ST18: variants seen among roughly 807,000 people sequenced by gnomAD.
ST18 encodes suppression of tumorigenicity 18 protein.
Under a neutral mutation model 110.0 loss-of-function variants are expected in ST18, and 50 were observed. That is an observed-to-expected ratio of 0.45 (90% CI 0.36 to 0.58). The LOEUF is 0.58. Ranked by LOEUF, ST18 falls within the 20% of genes least tolerant of loss-of-function variation. The pLI is 0.00. For synonymous variants in ST18, 461 were observed against 452.4 expected (o/e 1.02, Z -0.24); for missense variants, 1,306 against 1,280.1 (o/e 1.02, Z -0.31).
At chr8:52,179,666 A>T (rs891564114) in intron 9 of ST18, among the ~76,000 whole-genome samples, 2 of 152,288 alleles carry the variant, frequency 1.3e-5, no homozygotes, top group African/African-American at 4.8e-5. Flanking sequence ...AAATTAAAAA[A>T]AATTTTTAAC....
intron 2 of ST18, among the ~76,000 whole-genome samples, chr8:52,399,325 CT>C (rs1265324790): frequency 6.6e-6 from 1 of 151,022 alleles, no homozygotes; most frequent in Non-Finnish European, 1.5e-5. Context: ...AGTCTTGTCT[CT>C]TTTATTTCTT....
chr8:52,405,882 G>A (rs1844306227), intron 2 of ST18: 1 of 152,174 alleles, frequency 6.6e-6, no homozygotes, highest in Non-Finnish European at 1.5e-5. Context: ...TGGTCATCAT[G>A]CTTTTATGAC....
intron 8 of ST18, among the ~76,000 whole-genome samples, chr8:52,193,906 C>G (rs1318120228): frequency 2.6e-5 from 4 of 152,154 alleles, no homozygotes; most frequent in South Asian, 2.1e-4. Flanking sequence ...ATAATTGAAG[C>G]CTTCTCCTAT....
At chr8:52,171,546 T>A (rs2064958032) in intron 10 of ST18, 1 of 595,114 alleles carries the variant, frequency 1.7e-6, no homozygotes, top group Admixed American at 2.2e-5. Flanking sequence ...ACAGTTAAAT[T>A]AAGAGAAATA....
intron 10 of ST18, among the ~76,000 whole-genome samples, chr8:52,168,876 G>A (rs2063859428): frequency 6.6e-6 from 1 of 152,178 alleles, no homozygotes; most frequent in African/African-American, 2.4e-5. Context: ...TAGGGGAACT[G>A]AGGGGAGCTG....
chr8:52,268,494 TC>T (rs2094952125), intron 2 of ST18, among the ~76,000 whole-genome samples: 7 of 151,002 alleles, frequency 4.6e-5, no homozygotes, highest in Non-Finnish European at 1.0e-4. Context: ...TATCTATCTA[TC>T]TATCTATCTA....
At position 52,159,043 on chromosome 8, in the gene ST18, C is replaced by G. The variant is rs1010173302; in HGVS notation, c.1661G>C (p.Ser554Thr). The G allele has an allele frequency of 1.2e-6, 2 of 1,614,030 alleles. No individual in the cohort carries two copies. The highest frequency in any genetic ancestry group is 2.7e-5 in the African/African-American group (2 of 74,920). ...GCTATAAGAGCTGGCACGGCCAGGG[C>G]TCTGGGTGTGGGCGCCTGCACTAGG... ...RLPSAGAHTQSPGRASSYSYG... is the reference protein window; with the variant it reads ...RLPSAGAHTQTPGRASSYSYG... Residue 554 changes from serine to threonine, a missense_variant, in exon 15 of 26, where the codon AGC becomes ACC. Physicochemically the swap from Ser to Thr is moderately conservative, Grantham distance 58. Transcript: ENST00000689386.
intron 2 of ST18, among the ~76,000 whole-genome samples, chr8:52,256,365 TTTTG>T (rs1331861917): frequency 7.2e-5 from 11 of 152,098 alleles, no homozygotes; most frequent in African/African-American, 1.7e-4. Flanking sequence ...CAATCTGGTT[TTTTG>T]TTTGTTTGTT....
intron 22 of ST18, among the ~76,000 whole-genome samples, chr8:52,130,114 GAAAGA>G (rs751105501): frequency 2.1e-4 from 23 of 109,760 alleles, no homozygotes; most frequent in East Asian, 5.7e-4. Context: ...AAGAAAGAAA[GAAAGA>G]AAAGAAAGAA....
intron 2 of ST18, among the ~76,000 whole-genome samples, chr8:52,302,230 G>A (rs543209575): frequency 1.1e-4 from 17 of 152,312 alleles, no homozygotes; most frequent in Admixed American, 6.5e-4. Flanking sequence ...TCAAAGCCAC[G>A]TCTCCCAGTA....
intron 15 of ST18, among the ~76,000 whole-genome samples, chr8:52,153,573 T>C (rs1274441505): frequency 6.6e-6 from 1 of 152,196 alleles, no homozygotes; most frequent in East Asian, 1.9e-4. Context: ...ATTTGTGAAA[T>C]ATACTCAAAA....
At chr8:52,383,371 A>G (rs1214045039) in intron 2 of ST18, among the ~76,000 whole-genome samples, 2 of 152,226 alleles carry the variant, frequency 1.3e-5, no homozygotes, top group African/African-American at 4.8e-5. Context: ...TAATGAACAC[A>G]TAAAATGATC....
At chr8:52,384,988 T>C (rs1308989702) in intron 2 of ST18, among the ~76,000 whole-genome samples, 1 of 152,204 alleles carries the variant, frequency 6.6e-6, no homozygotes, top group Non-Finnish European at 1.5e-5. Context: ...AGAAACATAC[T>C]AATGTTACTA....
At chr8:52,135,568 C>CAAAAAAAAAAAAAAAAAA (rs71252929) in intron 19 of ST18, among the ~76,000 whole-genome samples, 1 of 56,156 alleles carries the variant, frequency 1.8e-5, no homozygotes, top group Non-Finnish European at 3.7e-5. Context: ...AACTCCATCT[C>CAAAAAAAAAAAAAAAAAA]AAAAAAAAAA....
chr8:52,297,708 A>G (rs140377399), intron 2 of ST18, among the ~76,000 whole-genome samples: 1 of 152,368 alleles, frequency 6.6e-6, no homozygotes, highest in African/African-American at 2.4e-5. Flanking sequence ...CATGTAATGT[A>G]TAACTAATTC....
At position 52,171,873 on chromosome 8, in the gene ST18, A is replaced by G. The variant is rs951377183; in HGVS notation, c.988T>C (p.Phe330Leu). Residue 330 changes from phenylalanine (F) to leucine (L), a missense_variant, in exon 10 of 26, where the codon TTC becomes CTC. Transcript: ENST00000689386. ...FHNTYKELDRFLLEHLAGERR... is the reference protein window; with the variant it reads ...FHNTYKELDRLLLEHLAGERR... ...TCCCCTGCTAGGTGCTCCAGCAGGA[A>G]CCTATCCAGCTCTTTGTAGGTGTTA... is the stretch of plus-strand genomic sequence containing the variant. The G allele has an allele frequency of 6.2e-7, 1 of 1,614,190 alleles. No homozygotes were observed. The highest frequency in any genetic ancestry group is 8.5e-7 in the Non-Finnish European group (1 of 1,180,030).
chr8:52,402,250 A>C (rs1394521866), intron 2 of ST18, among the ~76,000 whole-genome samples: 2 of 152,314 alleles, frequency 1.3e-5, no homozygotes, highest in East Asian at 3.9e-4. Flanking sequence ...GGCCACAGGC[A>C]GCCATAGCAT....
chr8:52,166,424 C>A (rs975809749), intron 11 of ST18, among the ~76,000 whole-genome samples: 2 of 152,204 alleles, frequency 1.3e-5, no homozygotes, highest in Admixed American at 6.5e-5. Flanking sequence ...TACCAGACAA[C>A]TAGGGACAGC....
chr8:52,385,664 C>G (rs1219955310), intron 2 of ST18, among the ~76,000 whole-genome samples: 2 of 150,924 alleles, frequency 1.3e-5, no homozygotes, highest in African/African-American at 4.9e-5. Context: ...GCTGCCCACT[C>G]TGCCATACCT....
Sources: gnomAD v4.1 joint callset for allele counts (sites outside exome capture counted in the v4.1 genomes callset) on GRCh38, gnomAD v4.1.1 for gene constraint, MANE v1.5 for transcripts, NCBI Gene and HGNC (gene_info 2026-07-23, HGNC 2026-07-21) for gene names.